GUCY1A2: variants seen among roughly 807,000 people sequenced by gnomAD.
GUCY1A2 encodes guanylate cyclase soluble subunit alpha-2.
A neutral mutation model predicts 63.5 loss-of-function variants in GUCY1A2; 27 were observed. The ratio of observed to expected loss-of-function variants is 0.43; its 90% CI spans 0.31 to 0.59. The LOEUF (loss-of-function observed/expected upper bound fraction) is 0.59. Among genes scored for constraint, GUCY1A2 ranks in the 20% least tolerant of loss-of-function variants. The pLI is 0.11. For synonymous variants in GUCY1A2, 364 were observed against 343.5 expected (o/e 1.06, Z -0.66); for missense variants, 768 against 913.3 (o/e 0.84, Z 2.05).
chr11:106,794,583 T>G (rs1410722059), intron 5 of GUCY1A2, among the ~76,000 whole-genome samples: 1 of 152,106 alleles, frequency 6.6e-6, no homozygotes, highest in Non-Finnish European at 1.5e-5. Context: ...GTAATAATCA[T>G]TATACAATCT....
At chr11:106,896,873 C>CA (rs1429658699) in intron 4 of GUCY1A2, among the ~76,000 whole-genome samples, 1 of 151,986 alleles carries the variant, frequency 6.6e-6, no homozygotes, top group Non-Finnish European at 1.5e-5. Flanking sequence ...TGAACTAGGA[C>CA]AAAAAGGTGT....
At chr11:106,962,093 A>G (rs1861065219) in intron 3 of GUCY1A2, among the ~76,000 whole-genome samples, 1 of 152,108 alleles carries the variant, frequency 6.6e-6, no homozygotes, top group African/African-American at 2.4e-5. Context: ...AATCCCTCCT[A>G]TTTTCCCAAC....
At chr11:106,696,682 G>C (rs1862725313) in intron 7 of GUCY1A2, among the ~76,000 whole-genome samples, 1 of 151,956 alleles carries the variant, frequency 6.6e-6, no homozygotes, top group Admixed American at 6.6e-5. Flanking sequence ...AATCAACCTA[G>C]GAAAATATTT....
chr11:106,889,057 T>C (rs999073525), intron 4 of GUCY1A2, among the ~76,000 whole-genome samples: 7 of 152,156 alleles, frequency 4.6e-5, no homozygotes, highest in Non-Finnish European at 8.8e-5. Flanking sequence ...ATGCACTGTA[T>C]CTCTTAACAT....
chr11:106,950,386 C>A (rs1382894598), intron 3 of GUCY1A2, among the ~76,000 whole-genome samples: 1 of 152,182 alleles, frequency 6.6e-6, no homozygotes, highest in Non-Finnish European at 1.5e-5. Flanking sequence ...AAAGAATGAG[C>A]AGACATGAGC....
In GUCY1A2 at chr11:106,686,210, A is replaced by T. The variant is rs1002483849; in HGVS notation, c.*1339T>A. The stretch of plus-strand genomic sequence containing the variant: ...GATGCTCCTAATTTTAGTGTGAGCC[A>T]GTAATATTTTCATGCAGTATTGATT... On this transcript the variant is annotated 3_prime_UTR_variant, in exon 8 of 8. Coordinates refer to ENST00000526355, the MANE Select transcript of GUCY1A2 (RefSeq NM_000855.3). The T allele has an allele frequency of 2.8e-5, 6 of 217,462 alleles. No individual in the cohort carries two copies. The highest frequency in any genetic ancestry group is 1.9e-4 in the South Asian group (1 of 5,392). The allele number at this position is 217,462 out of a possible 1,614,324, so 13.5% of individuals were successfully genotyped here. A position where few individuals can be genotyped will look rare whatever the true frequency, so the allele number is the denominator to read the frequency against.
At chr11:106,733,235 G>T (rs554914195) in intron 6 of GUCY1A2, among the ~76,000 whole-genome samples, 5 of 152,204 alleles carry the variant, frequency 3.3e-5, no homozygotes, top group African/African-American at 1.2e-4. Flanking sequence ...TTTTTAGTTA[G>T]ATGTACTTTT....
intron 4 of GUCY1A2, among the ~76,000 whole-genome samples, chr11:106,911,450 C>T (rs1430291068): frequency 6.6e-6 from 1 of 152,104 alleles, no homozygotes; most frequent in Non-Finnish European, 1.5e-5. Flanking sequence ...TTCCCCGCTT[C>T]TTCCTCTGAG....
At chr11:106,803,658 T>C (rs370949597) in intron 5 of GUCY1A2, among the ~76,000 whole-genome samples, 3 of 152,122 alleles carry the variant, frequency 2.0e-5, no homozygotes, top group African/African-American at 7.2e-5. Flanking sequence ...TTTACATAAA[T>C]CTCATTTAAA....
At chr11:106,898,095 T>C (rs1160330195) in intron 4 of GUCY1A2, among the ~76,000 whole-genome samples, 1 of 152,186 alleles carries the variant, frequency 6.6e-6, no homozygotes, top group Non-Finnish European at 1.5e-5. Context: ...TAGGAATATA[T>C]GTTCCACATC....
intron 4 of GUCY1A2, among the ~76,000 whole-genome samples, chr11:106,924,841 C>T (rs1174129679): frequency 1.3e-5 from 2 of 151,808 alleles, no homozygotes; most frequent in East Asian, 1.9e-4. Context: ...CCCATCTCTA[C>T]AAAAAATACA....
intron 3 of GUCY1A2, among the ~76,000 whole-genome samples, chr11:106,945,203 G>C (rs1860810488): frequency 6.7e-6 from 1 of 150,014 alleles, no homozygotes; most frequent in African/African-American, 2.4e-5. Flanking sequence ...AGTTGCAAGA[G>C]AAAACAGGTA....
chr11:106,819,990 A>C (rs1263040819), intron 4 of GUCY1A2, among the ~76,000 whole-genome samples: 1 of 152,190 alleles, frequency 6.6e-6, no homozygotes, highest in Non-Finnish European at 1.5e-5. Context: ...TGGGATATGG[A>C]AGGATTGAGG....
chr11:106,992,909 T>C (rs184540964), intron 1 of GUCY1A2, among the ~76,000 whole-genome samples: 162 of 152,228 alleles, frequency 1.1e-3, no homozygotes, highest in African/African-American at 3.8e-3. Context: ...TCCTTTCTGT[T>C]AGGCCAGATC....
chr11:106,776,680 C>T (rs1003380038), intron 5 of GUCY1A2, 98 bp from the exon 6 acceptor site: 5 of 1,130,298 alleles, frequency 4.4e-6, no homozygotes, highest in African/African-American at 1.5e-5. Context: ...AAAAACATGT[C>T]GGCAAAACAT....
At chr11:106,703,405 A>T (rs1862850973) in intron 7 of GUCY1A2, among the ~76,000 whole-genome samples, 1 of 152,228 alleles carries the variant, frequency 6.6e-6, no homozygotes, top group African/African-American at 2.4e-5. Flanking sequence ...ACCATGGATT[A>T]TCCAGTGGGC....
chr11:106,795,599 C>A (rs192172271), intron 5 of GUCY1A2, among the ~76,000 whole-genome samples: 3 of 151,300 alleles, frequency 2.0e-5, no homozygotes, highest in Non-Finnish European at 4.4e-5. Flanking sequence ...AGTCTCACAG[C>A]GATTTTGTTT....
At chr11:106,726,308 T>TG (rs1319182111) in intron 6 of GUCY1A2, among the ~76,000 whole-genome samples, 1 of 151,536 alleles carries the variant, frequency 6.6e-6, no homozygotes, top group Non-Finnish European at 1.5e-5. Flanking sequence ...CCCAGCTACT[T>TG]GGGGGGCTGA....
At chr11:106,727,474 T>A (rs1426190206) in intron 6 of GUCY1A2, among the ~76,000 whole-genome samples, 2 of 152,200 alleles carry the variant, frequency 1.3e-5, no homozygotes, top group Non-Finnish European at 2.9e-5. Flanking sequence ...AACTTCTCCA[T>A]TAGATGACCT....
Sources: gnomAD v4.1 joint callset for allele counts (sites outside exome capture counted in the v4.1 genomes callset) on GRCh38, gnomAD v4.1.1 for gene constraint, MANE v1.5 for transcripts, NCBI Gene and HGNC (gene_info 2026-07-23, HGNC 2026-07-21) for gene names.